The following MAP4K3 variants were observed in gnomAD, a reference collection of about 807,000 sequenced individuals.
The protein encoded by MAP4K3 is MAPK/ERK kinase kinase kinase 3.
Under a neutral mutation model 143.5 loss-of-function variants are expected in MAP4K3, and 94 were observed. The ratio of observed to expected loss-of-function variants is 0.65; its 90% CI spans 0.55 to 0.78. The LOEUF (loss-of-function observed/expected upper bound fraction) is 0.78, where lower values mean the gene tolerates loss of function less well. Ranked by LOEUF, MAP4K3 falls within the 30% of genes least tolerant of loss-of-function variation. The pLI is 0.00. For missense variants in MAP4K3, 1,077 were observed against 1,068.1 expected (o/e 1.01, Z -0.12); for synonymous variants, 416 against 347.2 (o/e 1.20, Z -2.20).
rs534703946 is a variant in MAP4K3 at position 39,353,739 on chromosome 2, C to T, written c.245+2510G>A. On this transcript the variant is annotated intron_variant, in intron 3 of 33. Coordinates refer to ENST00000263881, the MANE Select transcript of MAP4K3 (RefSeq NM_003618.4). ...AAAAGTTAAGAAGTAGTAGTAGTAG[C>T]AGCAGCAGCAGCAGCAGCAGCAGCA... is the stretch of plus-strand genomic sequence containing the variant. Among the ~76,000 whole-genome samples the T allele has an allele frequency of 1.1e-3, 154 of 137,682 alleles. 1 individual carries two copies. The highest frequency in any genetic ancestry group is 7.2e-3 in the Middle Eastern group (2 of 278). The allele number at this position is 137,682 out of a possible 152,430, so 90.3% of individuals were successfully genotyped here.
intron 16 of MAP4K3, among the ~76,000 whole-genome samples, chr2:39,297,409 T>C (rs1345831984): frequency 1.3e-5 from 2 of 152,318 alleles, no homozygotes; most frequent in African/African-American, 2.4e-5. Context: ...TGAGTCACCA[T>C]GCCCGGCCTA....
chr2:39,377,906 T>C (rs1666261606), intron 2 of MAP4K3, among the ~76,000 whole-genome samples, 160 bp downstream of exon 2: 1 of 152,152 alleles, frequency 6.6e-6, no homozygotes, highest in African/African-American at 2.4e-5. Flanking sequence ...GTGTGTTGTA[T>C]GCAGAACTTG....
chr2:39,427,223 A>G lies in MAP4K3; in HGVS notation c.96+9669T>C, dbSNP rs536443604. The stretch of plus-strand genomic sequence containing the variant: ...TTAATTTAGAGTTCTATACCCCACT[A>G]AACTATGATTTAAAAGTAAAGACAA... On this transcript the variant is annotated intron_variant, in intron 1 of 33. Transcript: ENST00000263881. 6.6e-5 allele frequency among the ~76,000 whole-genome samples: 10 copies of G among 152,210 alleles called. No homozygotes were observed. The South Asian group carries it at 2.1e-3, about 32-fold the overall frequency.
intron 1 of MAP4K3, among the ~76,000 whole-genome samples, chr2:39,397,471 A>G (rs1421848391): frequency 6.6e-6 from 1 of 152,212 alleles, no homozygotes; most frequent in Non-Finnish European, 1.5e-5. Flanking sequence ...AAGAAATGAA[A>G]GTAGAATTGA....
intron 12 of MAP4K3, among the ~76,000 whole-genome samples, chr2:39,320,520 C>T (rs1259936991): frequency 4.0e-5 from 6 of 150,114 alleles, no homozygotes; most frequent in Admixed American, 6.6e-5. Context: ...TTTTTTTTGG[C>T]CCTTTATGTT....
intron 1 of MAP4K3, among the ~76,000 whole-genome samples, chr2:39,391,191 T>TAA (rs200389865): frequency 6.7e-6 from 1 of 150,324 alleles, no homozygotes; most frequent in East Asian, 1.9e-4. Context: ...CCGTCTCTAC[T>TAA]AAAAAAAACA....
chr2:39,261,464 G>C (rs1288749023), intron 28 of MAP4K3, among the ~76,000 whole-genome samples: 1 of 152,122 alleles, frequency 6.6e-6, no homozygotes, highest in Non-Finnish European at 1.5e-5. Context: ...CCACCGAATG[G>C]CTAAAATTAA....
intron 12 of MAP4K3, among the ~76,000 whole-genome samples, chr2:39,322,616 G>GTGTGTGTGTGTA (rs958097518): frequency 6.7e-6 from 1 of 149,558 alleles, no homozygotes; most frequent in Non-Finnish European, 1.5e-5. Flanking sequence ...GTGTGTGTGT[G>GTGTGTGTGTGTA]TATATATGTA....
intron 1 of MAP4K3, among the ~76,000 whole-genome samples, chr2:39,400,129 G>C (rs949361550): frequency 6.6e-6 from 1 of 151,988 alleles, no homozygotes; most frequent in Non-Finnish European, 1.5e-5. Context: ...CCAACATCTC[G>C]CAACTGCCCA....
At chr2:39,344,388 T>G (rs1246972880) in intron 3 of MAP4K3, among the ~76,000 whole-genome samples, 1 of 152,242 alleles carries the variant, frequency 6.6e-6, no homozygotes, top group African/African-American at 2.4e-5. Context: ...GTAACTACAA[T>G]TAATAAATAA....
rs373678508 is a variant in MAP4K3, at chr2:39,251,824, T to C, written c.2597+6A>G. The stretch of plus-strand genomic sequence containing the variant: ...ACTGTGTATTTAATACAGTCCGTTT[T>C]CATACCTGTCAGATCCAAGCAGCCT... On this transcript the variant is annotated splice_donor_region_variant and intron_variant, in intron 33 of 33. Coordinates refer to ENST00000263881, the MANE Select transcript of MAP4K3 (RefSeq NM_003618.4). 6 of 1,612,778 alleles carry C rather than the reference T, an allele frequency of 3.7e-6. No homozygotes were observed. In the Admixed American group the frequency reaches 8.3e-5, roughly 22 times the overall value.
At chr2:39,353,627 G>T (rs1297724271) in intron 3 of MAP4K3, among the ~76,000 whole-genome samples, 5 of 152,076 alleles carry the variant, frequency 3.3e-5, no homozygotes, top group African/African-American at 1.2e-4. Context: ...AATCTTATTT[G>T]TAAAATGGAA....
At chr2:39,347,058 A>G (rs114405621) in intron 3 of MAP4K3, among the ~76,000 whole-genome samples, 5,340 of 152,178 alleles carry the variant, frequency 0.035, 126 homozygotes, top group African/African-American at 0.061. Flanking sequence ...AACCATTTTA[A>G]TAACACTAAG....
chr2:39,426,483 A>C (rs1475346398), intron 1 of MAP4K3, among the ~76,000 whole-genome samples: 2 of 152,086 alleles, frequency 1.3e-5, no homozygotes, highest in African/African-American at 4.8e-5. Flanking sequence ...TTGCAGTTTA[A>C]GTAAATGTCT....
At chr2:39,288,396 C>T in intron 19 of MAP4K3, 116 bp from the exon 20 acceptor site, 1 of 864,368 alleles carries the variant, frequency 1.2e-6, no homozygotes, top group South Asian at 1.8e-5. Context: ...AGAGGTTTAC[C>T]AGATGAGTTT....
chr2:39,273,524 A>T (rs769854869), intron 24 of MAP4K3, among the ~76,000 whole-genome samples: 2 of 81,436 alleles, frequency 2.5e-5, no homozygotes, highest in Non-Finnish European at 7.6e-5. Context: ...AGAGAATGGA[A>T]TAGAGAGGAC....
chr2:39,301,110 A>G (rs1682494127), intron 15 of MAP4K3, among the ~76,000 whole-genome samples: 1 of 152,110 alleles, frequency 6.6e-6, no homozygotes, highest in Admixed American at 6.5e-5. Flanking sequence ...GCACTTTAAA[A>G]TTTAAATATT....
In MAP4K3 at chr2:39,333,471, C is replaced by A. The variant is rs1683746968; in HGVS notation, c.457+61G>T. Reference sequence around the variant, plus strand: ...GAAAACCTGGTCCTACAAAGGAAAACATAAACTTTACTATATCTTAGAATA... The same window carrying A: ...GAAAACCTGGTCCTACAAAGGAAAAAATAAACTTTACTATATCTTAGAATA... On this transcript the variant is annotated intron_variant, in intron 7 of 33. Coordinates refer to ENST00000263881, the MANE Select transcript of MAP4K3 (RefSeq NM_003618.4). The A allele has an allele frequency of 4.6e-6, 6 of 1,296,396 alleles. No homozygotes were observed. In the South Asian group the frequency reaches 6.2e-5, roughly 13 times the overall value. 80.3% of individuals were successfully genotyped at this position (1,296,396 alleles called of 1,614,324 possible). A position where few individuals can be genotyped will look rare whatever the true frequency, so the allele number is the denominator to read the frequency against.
chr2:39,347,176 C>T lies in MAP4K3; in HGVS notation c.246-3724G>A, dbSNP rs551940684. 2.6e-5 allele frequency among the ~76,000 whole-genome samples: 4 copies of T among 152,268 alleles called. No individual in the cohort carries two copies. The East Asian group carries it at 5.8e-4, about 22-fold the overall frequency. On this transcript the variant is annotated intron_variant, in intron 3 of 33. Transcript: ENST00000263881. ...GTCATCCCTGACAGCTACTGGAATA[C>T]GAGCTTATGTTGTATTCTTGAGTTT...
Sources: gnomAD v4.1 joint callset for allele counts (sites outside exome capture counted in the v4.1 genomes callset) on GRCh38, gnomAD v4.1.1 for gene constraint, MANE v1.5 for transcripts, NCBI Gene and HGNC (gene_info 2026-07-23, HGNC 2026-07-21) for gene names.